NRG1: variants seen among roughly 807,000 people sequenced by gnomAD.
The protein encoded by NRG1 is neuregulin 1.
NRG1 carries 18 observed loss-of-function variants against 63.8 expected under a neutral mutation model. The observed-to-expected ratio is 0.28, with a 90% CI of 0.19 to 0.42. The LOEUF is 0.42. Ranked by LOEUF, NRG1 falls within the 10% of genes least tolerant of loss-of-function variation. NRG1 has a pLI of 1.00. For missense variants in NRG1, 762 were observed against 814.7 expected, an observed-to-expected ratio of 0.94 and a Z score of 0.79; for synonymous variants, 302 against 301.3, an observed-to-expected ratio of 1.00 and a Z score of -0.02.
At chr8:32,527,958 C>T (rs1191941579) in intron 1 of NRG1, among the ~76,000 whole-genome samples, 1 of 152,172 alleles carries the variant, frequency 6.6e-6, no homozygotes, top group African/African-American at 2.4e-5. Flanking sequence ...CAGGCGTGGT[C>T]ATGGTTGTCT....
chr8:31,910,913 G>T (rs1832889999), intron 1 of NRG1, among the ~76,000 whole-genome samples: 2 of 152,150 alleles, frequency 1.3e-5, no homozygotes, highest in Non-Finnish European at 2.9e-5. Flanking sequence ...TCAATACAAA[G>T]AAGGCAGGTT....
chr8:32,737,420 G>T (rs1163219155), intron 6 of NRG1, among the ~76,000 whole-genome samples: 2 of 151,972 alleles, frequency 1.3e-5, no homozygotes, highest in African/African-American at 2.4e-5. Context: ...GCATGGTGGT[G>T]CATGCCTGTA....
Position 31,771,996 on chromosome 8 carries a change from G to A in NRG1, c.37+132565G>A, listed in dbSNP as rs570864402. Among the ~76,000 whole-genome samples the A allele has an allele frequency of 2.7e-4, 41 of 152,300 alleles. No homozygotes were observed. In the South Asian group the frequency reaches 4.1e-3, roughly 15 times the overall value. The stretch of plus-strand genomic sequence containing the variant: ...TTTGGATAAAACCTAGGTCAAGCCT[G>A]TTCAAAACTGTTACCCGAAGGCAAT... On this transcript the variant is annotated intron_variant, in intron 1 of 10. Transcript: ENST00000519301.
intron 1 of NRG1, among the ~76,000 whole-genome samples, chr8:31,839,274 A>G (rs1825969175): frequency 6.6e-6 from 1 of 152,220 alleles, no homozygotes; most frequent in Non-Finnish European, 1.5e-5. Context: ...CCTGCTGTGA[A>G]TTCAATGACA....
At chr8:32,247,556 T>C (rs1051013992) in intron 1 of NRG1, among the ~76,000 whole-genome samples, 1 of 152,108 alleles carries the variant, frequency 6.6e-6, no homozygotes. Context: ...GCAATAGATA[T>C]CACTTAGGAA....
At chr8:32,656,500 G>C (rs886648352) in intron 5 of NRG1, among the ~76,000 whole-genome samples, 1 of 152,096 alleles carries the variant, frequency 6.6e-6, no homozygotes, top group South Asian at 2.1e-4. Flanking sequence ...TATTTTTGTT[G>C]TATACCTTAT....
At chr8:31,665,588 A>C (rs1806446138) in intron 1 of NRG1, among the ~76,000 whole-genome samples, 2 of 152,248 alleles carry the variant, frequency 1.3e-5, no homozygotes, top group African/African-American at 4.8e-5. Context: ...ATGTTTATTT[A>C]ACTTGTAGCA....
In NRG1 at chr8:31,815,322, A is replaced by G. The variant is rs547497986; in HGVS notation, c.37+175891A>G. On this transcript the variant is annotated intron_variant, in intron 1 of 10. Transcript: ENST00000519301. ...TGATTTTGGCTATTCAAAGTACTTCATATAAGCGGTATCATGCAGTGGTAT... is the reference window on the plus strand; with the variant it reads ...TGATTTTGGCTATTCAAAGTACTTCGTATAAGCGGTATCATGCAGTGGTAT... Among the ~76,000 whole-genome samples the G allele has an allele frequency of 2.0e-5, 3 of 152,252 alleles. No homozygotes were observed. The South Asian group carries it at 6.2e-4, about 32-fold the overall frequency.
chr8:32,030,553 C>T (rs1818111473), intron 1 of NRG1: 1 of 152,148 alleles, frequency 6.6e-6, no homozygotes, highest in Admixed American at 6.5e-5. Flanking sequence ...TATTCACTTA[C>T]TACTGAGGAT....
At chr8:32,341,153 G>T (rs1804022727) in intron 1 of NRG1, among the ~76,000 whole-genome samples, 1 of 152,138 alleles carries the variant, frequency 6.6e-6, no homozygotes, top group African/African-American at 2.4e-5. Context: ...ACTGTCTTAA[G>T]CCCAGCTTCT....
rs553957203 is a variant in NRG1 at position 31,727,758 on chromosome 8, T to A, written c.37+88327T>A. 1.7e-3 allele frequency among the ~76,000 whole-genome samples: 260 copies of A among 152,320 alleles called. 1 individual carries two copies. In the Middle Eastern group the frequency reaches 0.024, roughly 14 times the overall value. On this transcript the variant is annotated intron_variant, in intron 1 of 10. Transcript: ENST00000519301. ...AGTCCTACATATATTGTCTTTTTTTTATATGTACATACCTATGATAAAGTT... is the reference window on the plus strand; with the variant it reads ...AGTCCTACATATATTGTCTTTTTTTAATATGTACATACCTATGATAAAGTT...
intron 1 of NRG1, among the ~76,000 whole-genome samples, chr8:32,147,128 A>G (rs1836952437): frequency 6.6e-6 from 1 of 152,194 alleles, no homozygotes; most frequent in African/African-American, 2.4e-5. Flanking sequence ...GAGTGTTGAT[A>G]AATGGGCACT....
At chr8:32,552,367 C>G (rs1381942546) in intron 1 of NRG1, among the ~76,000 whole-genome samples, 1 of 152,062 alleles carries the variant, frequency 6.6e-6, no homozygotes, top group Non-Finnish European at 1.5e-5. Context: ...AATTCACTAT[C>G]ATGCCTAGCC....
intron 1 of NRG1, among the ~76,000 whole-genome samples, chr8:32,025,754 T>C (rs1817169479): frequency 6.6e-6 from 1 of 152,014 alleles, no homozygotes; most frequent in African/African-American, 2.4e-5. Flanking sequence ...GAGACCATCC[T>C]GGCTAACAAG....
rs565681179 is a variant in NRG1 at position 31,967,288 on chromosome 8, C to T, written c.37+327857C>T. 2.6e-4 allele frequency among the ~76,000 whole-genome samples: 39 copies of T among 152,224 alleles called. No individual in the cohort carries two copies. The East Asian group carries it at 4.3e-3, about 17-fold the overall frequency. On this transcript the variant is annotated intron_variant, in intron 1 of 10. Coordinates refer to the NRG1 transcript ENST00000519301. ...TCCTCCACGCCCTCTTTCTCCTAGT[C>T]TCTATTTCCCCTTTTCCTTATCCTC... is the stretch of plus-strand genomic sequence containing the variant.
downstream of NRG1, among the ~76,000 whole-genome samples, chr8:32,772,302 T>A (rs1831877419): frequency 6.6e-6 from 1 of 151,708 alleles, no homozygotes; most frequent in Non-Finnish European, 1.5e-5. Flanking sequence ...TTGGATTCAA[T>A]CCCTTCAAAC....
In NRG1 at chr8:31,640,534, C is replaced by T. The variant is rs771177404; in HGVS notation, c.37+1103C>T. On this transcript the variant is annotated intron_variant, in intron 1 of 10. Transcript: ENST00000519301. This position sits in a 1 kb window ranked among gnomAD's most constrained non-coding sequence, Gnocchi z 6.3. The stretch of plus-strand genomic sequence containing the variant: ...GAAGAAGGACTCGCTGCTCACCGTG[C>T]GCCTGGGGACCTGGGGCCACCCCGC... The T allele has an allele frequency of 6.2e-7, 1 of 1,611,700 alleles. No individual in the cohort carries two copies. Among genetic ancestry groups the T allele is most frequent in the Non-Finnish European group, 8.5e-7 (1 of 1,179,400 alleles).
At chr8:32,555,690 C>T (rs546980012) in intron 1 of NRG1, among the ~76,000 whole-genome samples, 1 of 152,206 alleles carries the variant, frequency 6.6e-6, no homozygotes, top group Admixed American at 6.5e-5. Flanking sequence ...CCAGGATGGT[C>T]TCCATCTCCT....
intron 1 of NRG1, among the ~76,000 whole-genome samples, chr8:32,463,307 A>G (rs951251602): frequency 6.6e-6 from 1 of 152,182 alleles, no homozygotes; most frequent in Non-Finnish European, 1.5e-5. Flanking sequence ...TCTTTTGGGC[A>G]TACCCAGAAG....
Sources: gnomAD v4.1 joint callset for allele counts (sites outside exome capture counted in the v4.1 genomes callset) on GRCh38, gnomAD v4.1.1 for gene constraint, Gnocchi (gnomAD v3.1) non-coding constraint, MANE v1.5 for transcripts, NCBI Gene and HGNC (gene_info 2026-07-23, HGNC 2026-07-21) for gene names.